ZNF248: variants seen among roughly 807,000 people sequenced by gnomAD.
ZNF248 encodes the protein KRAB protein domain.
ZNF248 carries 20 observed loss-of-function variants against 44.3 expected under a neutral mutation model. The observed-to-expected ratio is 0.45, with a 90% CI of 0.32 to 0.66. The LOEUF (loss-of-function observed/expected upper bound fraction) is 0.66. ZNF248 is among the 30% of genes least tolerant of loss of function. The pLI, the probability that ZNF248 is intolerant of heterozygous loss-of-function variation, is 0.04. For synonymous variants in ZNF248, 224 were observed against 229.0 expected (o/e 0.98, Z 0.20); for missense variants, 654 against 677.0 (o/e 0.97, Z 0.38).
downstream of ZNF248, among the ~76,000 whole-genome samples, chr10:37,825,841 TAGACTCTGAGAAATTAATTTGA>T (rs1195395904): frequency 6.8e-6 from 1 of 147,800 alleles, no homozygotes; most frequent in African/African-American, 2.5e-5. Context: ...ATCCAGAGAG[TAGACTCTGAGAAATTAATTTGA>T]AGACGACAAC....
the ZNF248 span, among the ~76,000 whole-genome samples, chr10:37,767,382 G>A: frequency 3.3e-5 from 5 of 152,138 alleles, no homozygotes; most frequent in Admixed American, 2.0e-4. Flanking sequence ...GAGAAAGGTC[G>A]GGTTACCCAC....
At chr10:37,768,429 C>A in the ZNF248 span, among the ~76,000 whole-genome samples, 1 of 152,180 alleles carries the variant, frequency 6.6e-6, no homozygotes, top group Admixed American at 6.5e-5. Context: ...GTCTCTCAGA[C>A]CACGGTGTGA....
At chr10:37,839,941 C>T (rs2058028984) in intron 3 of ZNF248, among the ~76,000 whole-genome samples, 8 of 152,122 alleles carry the variant, frequency 5.3e-5, no homozygotes, top group Admixed American at 5.2e-4. Flanking sequence ...ATAAAACACA[C>T]CTTAACGAAC....
At chr10:37,759,468 G>C in the ZNF248 span, among the ~76,000 whole-genome samples, 23 of 152,304 alleles carry the variant, frequency 1.5e-4, no homozygotes, top group East Asian at 4.5e-3. Flanking sequence ...GATGGGAGAA[G>C]GTGCGGAGGC....
At chr10:37,835,654 AG>A (rs2134026023) in intron 5 of ZNF248, among the ~76,000 whole-genome samples, 1 of 152,288 alleles carries the variant, frequency 6.6e-6, no homozygotes. Context: ...GGAGAGAGAA[AG>A]AGCAAGAGGA....
rs2055287703 is a variant in ZNF248, at chr10:37,830,340, T to C, written c.*1275A>G. ...GTTCAATAATGGCCATATTCATGCA[T>C]ATATGCCAGGAAACAGTCAGAGGAA... On this transcript the variant is annotated 3_prime_UTR_variant, in exon 6 of 6. Transcript: ENST00000395867. The C allele has an allele frequency of 1.0e-6, 1 of 985,408 alleles. No homozygotes were observed. The highest frequency in any genetic ancestry group is 1.2e-6 in the Non-Finnish European group (1 of 829,922). The allele number at this position is 985,408 out of a possible 1,614,324, so 61.0% of individuals were successfully genotyped here.
the ZNF248 span, among the ~76,000 whole-genome samples, chr10:37,763,457 T>C: frequency 1.3e-5 from 2 of 152,230 alleles, no homozygotes; most frequent in Non-Finnish European, 2.9e-5. Context: ...GTTTGCTGTT[T>C]GATCATATAG....
chr10:37,785,956 TC>T, intron 6 of ZNF248, among the ~76,000 whole-genome samples: 1 of 152,290 alleles, frequency 6.6e-6, no homozygotes, highest in South Asian at 2.1e-4. Context: ...TTTGTTAATG[TC>T]CATCAAAGAG....
intron 6 of ZNF248, among the ~76,000 whole-genome samples, chr10:37,788,457 C>T (rs957116029): frequency 6.6e-6 from 1 of 151,714 alleles, no homozygotes; most frequent in African/African-American, 2.4e-5. Context: ...CCCATCTCTA[C>T]CAAGAATACA....
chr10:37,814,100 GA>G (rs1287203446), intron 6 of ZNF248, among the ~76,000 whole-genome samples: 6 of 151,976 alleles, frequency 3.9e-5, no homozygotes, highest in Non-Finnish European at 8.8e-5. Context: ...CTCATTTCCT[GA>G]ATTACAGCTC....
the ZNF248 span, among the ~76,000 whole-genome samples, chr10:37,767,115 G>A: frequency 6.6e-6 from 1 of 152,150 alleles, no homozygotes. Flanking sequence ...CAAGAAATAT[G>A]GGACTAGGTG....
In ZNF248 at chr10:37,829,973, C is replaced by T. The variant is rs9417265; in HGVS notation, c.*1642G>A. 139,442 of 985,212 alleles carry T rather than the reference C, an allele frequency of 0.14. 10,062 individuals are homozygous for T. Among genetic ancestry groups the T allele is most frequent in the Admixed American group, 0.2 (3,182 of 16,256 alleles). The allele number at this position is 985,212 out of a possible 1,614,324, so 61.0% of individuals were successfully genotyped here. On this transcript the variant is annotated 3_prime_UTR_variant, in exon 6 of 6. Transcript: ENST00000395867. ...TCAGCAAGGATGAAGTAGGGAATGGCCATCATGTGGGCAGTGTCTCTTAGA... is the reference window on the plus strand; with the variant it reads ...TCAGCAAGGATGAAGTAGGGAATGGTCATCATGTGGGCAGTGTCTCTTAGA...
intron 3 of ZNF248, among the ~76,000 whole-genome samples, chr10:37,845,049 T>A (rs2059086734): frequency 1.8e-5 from 1 of 54,192 alleles, no homozygotes; most frequent in South Asian, 3.7e-4. Flanking sequence ...GGGGTCTCAC[T>A]CTGTGGTTCA....
chr10:37,772,971 C>T (rs1010623654), downstream of ZNF248, among the ~76,000 whole-genome samples: 2 of 152,108 alleles, frequency 1.3e-5, no homozygotes, highest in Admixed American at 6.6e-5. Context: ...CCAATATGAA[C>T]TGAAGACGTG....
intron 6 of ZNF248, among the ~76,000 whole-genome samples, chr10:37,817,485 T>G (rs2052690591): frequency 6.6e-6 from 1 of 152,118 alleles, no homozygotes; most frequent in African/African-American, 2.4e-5. Flanking sequence ...TCTTCTAACC[T>G]CATTCTTTGT....
At chr10:37,779,466 C>G (rs948601583) in intron 6 of ZNF248, among the ~76,000 whole-genome samples, 37 of 152,156 alleles carry the variant, frequency 2.4e-4, no homozygotes, top group African/African-American at 6.7e-4. Context: ...ATTCAACAAC[C>G]CTTCATGCTA....
intron 6 of ZNF248, among the ~76,000 whole-genome samples, chr10:37,815,353 C>T (rs1019358020): frequency 1.3e-5 from 2 of 151,860 alleles, no homozygotes; most frequent in African/African-American, 2.4e-5. Flanking sequence ...CATAAGCCAC[C>T]GCGCTCAGCT....
At chr10:37,770,442 G>C in the ZNF248 span, among the ~76,000 whole-genome samples, 1 of 152,130 alleles carries the variant, frequency 6.6e-6, no homozygotes, top group Non-Finnish European at 1.5e-5. Flanking sequence ...CAATAGAACA[G>C]AACAGAGCCC....
intron 6 of ZNF248, among the ~76,000 whole-genome samples, chr10:37,780,308 T>C (rs1220727082): frequency 6.6e-6 from 1 of 152,018 alleles, no homozygotes; most frequent in Non-Finnish European, 1.5e-5. Context: ...GTACTGGTAC[T>C]AAAACAGAGA....
Sources: allele counts gnomAD v4.1 joint callset (sites outside exome capture counted in the v4.1 genomes callset), GRCh38; gene constraint gnomAD v4.1.1; transcripts MANE v1.5; gene names NCBI Gene and HGNC (gene_info 2026-07-23, HGNC 2026-07-21).